Variants in FRMPD4 observed in about 807,000 individuals in gnomAD.
FRMPD4 encodes the protein FERM and PDZ domain-containing protein 4.
A neutral mutation model predicts 94.1 loss-of-function variants in FRMPD4; 22 were observed. The ratio of observed to expected loss-of-function variants is 0.23; its 90% CI spans 0.17 to 0.33. The LOEUF (loss-of-function observed/expected upper bound fraction) is 0.33. FRMPD4 is among the 10% of genes least tolerant of loss of function. FRMPD4 has a pLI of 1.00. For synonymous variants in FRMPD4, 631 were observed against 548.6 expected, an observed-to-expected ratio of 1.15 and a Z score of -2.10; for missense variants, 1,111 against 1,339.9, an observed-to-expected ratio of 0.83 and a Z score of 2.67.
At chrX:12,186,472 T>G (rs888946359) in intron 1 of FRMPD4, among the ~76,000 whole-genome samples, 1 of 111,870 alleles carries the variant, frequency 8.9e-6, no homozygotes, top group Non-Finnish European at 1.9e-5. Flanking sequence ...GTTTCTATTT[T>G]ACTTATCATA....
intron 1 of FRMPD4, among the ~76,000 whole-genome samples, chrX:12,468,463 G>A (rs781319362): frequency 3.6e-5 from 4 of 111,860 alleles, no homozygotes; most frequent in East Asian, 2.8e-4. Context: ...ATGTTACCAT[G>A]ATTATGGCTG....
At chrX:12,596,622 G>A (rs1198568557) in intron 2 of FRMPD4, among the ~76,000 whole-genome samples, 1 of 110,100 alleles carries the variant, frequency 9.1e-6, no homozygotes, top group East Asian at 2.9e-4. Context: ...TAGCGGGAGT[G>A]CACTCTTGAA....
intron 3 of FRMPD4, among the ~76,000 whole-genome samples, chrX:12,059,877 G>T (rs929914811): frequency 4.6e-5 from 4 of 87,838 alleles, no homozygotes; most frequent in African/African-American, 1.7e-4. Context: ...CACTTAAGTT[G>T]ATTCCATGTC....
chrX:11,888,176 C>T (rs1197705627), intron 3 of FRMPD4, among the ~76,000 whole-genome samples: 1 of 111,724 alleles, frequency 9.0e-6, no homozygotes, highest in Non-Finnish European at 1.9e-5. Context: ...CCAAATAAAA[C>T]ATATTATAAC....
chrX:12,061,689 T>G (rs151044594), intron 3 of FRMPD4, among the ~76,000 whole-genome samples: 1,293 of 112,201 alleles, frequency 0.012, 4 homozygotes, highest in Non-Finnish European at 0.016. Context: ...AACTCAAAAA[T>G]GAAATCTTAC....
intron 3 of FRMPD4, among the ~76,000 whole-genome samples, chrX:11,921,470 A>C (rs1015955590): frequency 9.2e-6 from 1 of 108,971 alleles, no homozygotes; most frequent in African/African-American, 3.3e-5. Flanking sequence ...TAGGGTTTCA[A>C]TTTATGCATT....
intron 1 of FRMPD4, among the ~76,000 whole-genome samples, chrX:12,265,125 C>A (rs923886999): frequency 8.9e-6 from 1 of 112,061 alleles, no homozygotes; most frequent in African/African-American, 3.2e-5. Flanking sequence ...TTGGCTGCAC[C>A]TTGGAGTCAT....
chrX:12,153,456 TAG>T (rs1452696107), intron 1 of FRMPD4, among the ~76,000 whole-genome samples: 1 of 111,963 alleles, frequency 8.9e-6, no homozygotes, highest in African/African-American at 3.2e-5. Flanking sequence ...GGCTGAAGAA[TAG>T]AGTGTTTAAG....
At position 12,564,828 on chromosome X, in the gene FRMPD4, TGAGA is replaced by T. The variant is rs62871260; in HGVS notation, c.159-44868_159-44865del. ...TAGTACTACAAGGTAAGGAAATGCT[TGAGA>T]GAGAGAGAGAGAGAGAGAGAGAGAA... is the stretch of plus-strand genomic sequence containing the variant. On this transcript the variant is annotated intron_variant, in intron 2 of 16. Coordinates refer to ENST00000675598, the MANE Select transcript of FRMPD4 (RefSeq NM_001368397.1). 5.2e-3 allele frequency among the ~76,000 whole-genome samples: 537 copies of T among 103,279 alleles called. 2 individuals carry two copies. Among genetic ancestry groups the T allele is most frequent in the African/African-American group, 0.016 (459 of 28,266 alleles). The allele number at this position is 103,279 out of a possible 115,157, so 89.7% of individuals were successfully genotyped here.
intron 1 of FRMPD4, among the ~76,000 whole-genome samples, chrX:12,275,516 G>C (rs1302621090): frequency 9.1e-6 from 1 of 110,486 alleles, no homozygotes; most frequent in Non-Finnish European, 1.9e-5. Flanking sequence ...GAGGAAATAG[G>C]AGCTTTCATG....
chrX:12,578,994 A>C (rs2058838432), intron 2 of FRMPD4, among the ~76,000 whole-genome samples: 1 of 112,141 alleles, frequency 8.9e-6, no homozygotes, highest in African/African-American at 3.2e-5. Context: ...GTATCAGGAA[A>C]GTTGAAGTAG....
intron 3 of FRMPD4, 48 bp downstream of exon 3, chrX:12,609,929 C>G (rs745933997): frequency 9.2e-7 from 1 of 1,084,324 alleles, no homozygotes; most frequent in Admixed American, 2.2e-5. Flanking sequence ...GTCTGCCACA[C>G]TCTGCCAGAA....
intron 3 of FRMPD4, among the ~76,000 whole-genome samples, chrX:12,085,833 T>A (rs1464941678): frequency 8.9e-6 from 1 of 111,854 alleles, no homozygotes; most frequent in Non-Finnish European, 1.9e-5. Flanking sequence ...TGCACCACTG[T>A]ACTCCAGCAT....
chrX:12,121,577 T>G (rs372159658), intron 3 of FRMPD4, among the ~76,000 whole-genome samples: 5 of 111,693 alleles, frequency 4.5e-5, no homozygotes, highest in East Asian at 5.6e-4. Context: ...TCTGAGCATA[T>G]TGTAACTTTC....
chrX:12,125,297 G>A (rs1356748121), intron 3 of FRMPD4, among the ~76,000 whole-genome samples: 1 of 112,153 alleles, frequency 8.9e-6, no homozygotes, highest in Non-Finnish European at 1.9e-5. Flanking sequence ...CAGTCAACTG[G>A]AGTTAGAAGG....
intron 3 of FRMPD4, among the ~76,000 whole-genome samples, chrX:11,952,419 AC>A (rs2054229534): frequency 9.0e-6 from 1 of 111,532 alleles, no homozygotes; most frequent in Admixed American, 9.5e-5. Flanking sequence ...TATCAGAGGA[AC>A]CTCCTCCTTA....
intron 14 of FRMPD4, among the ~76,000 whole-genome samples, chrX:12,710,990 A>G (rs188109217): frequency 2.2e-4 from 25 of 112,372 alleles, no homozygotes; most frequent in Non-Finnish European, 4.5e-4. Context: ...TTCAATGCCA[A>G]AAGCCTTCAG....
At chrX:12,296,768 A>G (rs962872095) in intron 1 of FRMPD4, among the ~76,000 whole-genome samples, 14 of 112,124 alleles carry the variant, frequency 1.2e-4, no homozygotes, top group African/African-American at 4.2e-4. Flanking sequence ...TCTCCCTTCA[A>G]GTGCACAAAA....
chrX:12,267,674 C>A (rs745939598), intron 1 of FRMPD4, among the ~76,000 whole-genome samples: 1 of 112,824 alleles, frequency 8.9e-6, no homozygotes, highest in East Asian at 2.8e-4. Context: ...TTGCTTTAAG[C>A]AGCTGTCACT....
Sources: allele counts gnomAD v4.1 joint callset (sites outside exome capture counted in the v4.1 genomes callset), GRCh38; gene constraint gnomAD v4.1.1; transcripts MANE v1.5; gene names NCBI Gene and HGNC (gene_info 2026-07-23, HGNC 2026-07-21).